Variants in SUMF1 observed in about 807,000 individuals in gnomAD.
SUMF1 encodes sulfatase modifying factor 1.
In SUMF1, 48 loss-of-function variants were observed where a neutral mutation model predicts 47.6. The ratio of observed to expected loss-of-function variants is 1.01; its 90% confidence interval spans 0.80 to 1.28. SUMF1 has a LOEUF of 1.28. Among genes scored for constraint, SUMF1 ranks in the 50% most tolerant of loss-of-function variants. The pLI is 0.00. For missense variants in SUMF1, 571 were observed against 485.4 expected (o/e 1.18, Z -1.66); for synonymous variants, 230 against 192.1 (o/e 1.20, Z -1.63).
intron 7 of SUMF1, 119 bp downstream of exon 7, chr3:4,410,746 C>T: frequency 1.1e-6 from 1 of 913,976 alleles, no homozygotes; most frequent in East Asian, 2.4e-5. Flanking sequence ...TAGGGAAATC[C>T]CAAGATTAAT....
intron 8 of SUMF1, among the ~76,000 whole-genome samples, chr3:4,107,179 G>C (rs1433632794): frequency 6.6e-6 from 1 of 152,002 alleles, no homozygotes; most frequent in Non-Finnish European, 1.5e-5. Context: ...AATTGTTCTT[G>C]GTTTTCAGAT....
At chr3:4,251,399 T>C (rs777177577) in intron 8 of SUMF1, among the ~76,000 whole-genome samples, 7 of 152,236 alleles carry the variant, frequency 4.6e-5, no homozygotes, top group African/African-American at 1.4e-4. Context: ...GCTGTCAACA[T>C]TGTTGAAATG....
intron 9 of SUMF1, among the ~76,000 whole-genome samples, chr3:4,044,190 C>A (rs1694965118): frequency 6.6e-6 from 1 of 152,096 alleles, no homozygotes; most frequent in East Asian, 1.9e-4. Flanking sequence ...AATGCGTAAC[C>A]AAAAGCACCC....
chr3:4,052,413 A>G (rs550584429), intron 9 of SUMF1, among the ~76,000 whole-genome samples: 1 of 152,270 alleles, frequency 6.6e-6, no homozygotes, highest in Non-Finnish European at 1.5e-5. Flanking sequence ...CCCTTCCTAG[A>G]ACTGACCAAA....
At chr3:4,098,155 T>G (rs1196863499) in intron 8 of SUMF1, among the ~76,000 whole-genome samples, 1 of 152,058 alleles carries the variant, frequency 6.6e-6, no homozygotes, top group African/African-American at 2.4e-5. Context: ...CACTGAGAAG[T>G]AGTGGGACAT....
chr3:4,407,990 T>A (rs1215711813), intron 7 of SUMF1, among the ~76,000 whole-genome samples: 1 of 152,230 alleles, frequency 6.6e-6, no homozygotes, highest in Non-Finnish European at 1.5e-5. Flanking sequence ...AATTCCTGAC[T>A]AGATTAAAGC....
At chr3:4,071,620 G>T (rs185069378) in intron 8 of SUMF1, among the ~76,000 whole-genome samples, 1 of 152,206 alleles carries the variant, frequency 6.6e-6, no homozygotes, top group Non-Finnish European at 1.5e-5. Context: ...TTAGTGGGGG[G>T]AGGGGCATCC....
At chr3:4,404,531 G>A (rs879490131) in intron 7 of SUMF1, among the ~76,000 whole-genome samples, 9 of 152,302 alleles carry the variant, frequency 5.9e-5, no homozygotes, top group Non-Finnish European at 1.2e-4. Flanking sequence ...GCTGAGGCGG[G>A]TGAATCACCT....
intron 8 of SUMF1, among the ~76,000 whole-genome samples, chr3:4,323,999 A>G (rs918785236): frequency 1.1e-4 from 17 of 152,090 alleles, no homozygotes; most frequent in African/African-American, 4.1e-4. Flanking sequence ...GTAAGTCTAG[A>G]AATTTGATAC....
intron 8 of SUMF1, among the ~76,000 whole-genome samples, chr3:4,192,545 T>C (rs138736245): frequency 1.9e-3 from 296 of 152,238 alleles, no homozygotes; most frequent in Middle Eastern, 0.01. Context: ...TACATACTAT[T>C]GTATAATAAA....
intron 8 of SUMF1, among the ~76,000 whole-genome samples, chr3:4,218,448 T>C (rs1476895857): frequency 6.6e-6 from 1 of 151,284 alleles, no homozygotes; most frequent in Non-Finnish European, 1.5e-5. Context: ...AAGCATTTCA[T>C]TGTGTTTTTT....
At chr3:4,304,557 G>T in intron 8 of SUMF1, among the ~76,000 whole-genome samples, 1 of 152,294 alleles carries the variant, frequency 6.6e-6, no homozygotes, top group East Asian at 1.9e-4. Flanking sequence ...AGTATGGTTC[G>T]GAGCTTAGAC....
At chr3:4,284,474 AAGGAGGAGG>A (rs1305350474) in intron 8 of SUMF1, among the ~76,000 whole-genome samples, 1 of 119,284 alleles carries the variant, frequency 8.4e-6, no homozygotes, top group East Asian at 2.2e-4. Context: ...GGAGGAGGAG[AAGGAGGAGG>A]AGGAGGAGAG....
intron 3 of SUMF1, among the ~76,000 whole-genome samples, chr3:4,423,226 T>C (rs1701960609): frequency 6.6e-6 from 1 of 151,472 alleles, no homozygotes; most frequent in Non-Finnish European, 1.5e-5. Context: ...ATTGCAAAAA[T>C]GTGGAACCAA....
At chr3:4,367,130 G>GTT (rs1559249254) in intron 8 of SUMF1, among the ~76,000 whole-genome samples, 4 of 147,098 alleles carry the variant, frequency 2.7e-5, no homozygotes, top group African/African-American at 5.4e-5. Context: ...TGCCCCTACT[G>GTT]GGGGGGTGCC....
intron 8 of SUMF1, among the ~76,000 whole-genome samples, chr3:4,311,006 A>T (rs923616535): frequency 1.3e-5 from 2 of 152,238 alleles, no homozygotes; most frequent in Non-Finnish European, 2.9e-5. Flanking sequence ...CTGATAGAGC[A>T]TCATTTTCTA....
chr3:4,453,718 G>C (rs1210186202), intron 1 of SUMF1, among the ~76,000 whole-genome samples: 1 of 152,004 alleles, frequency 6.6e-6, no homozygotes. Context: ...ATTTTTAGCA[G>C]AGACAGGTTT....
intron 7 of SUMF1, among the ~76,000 whole-genome samples, chr3:4,390,486 G>A (rs1173525236): frequency 6.6e-6 from 1 of 152,108 alleles, no homozygotes; most frequent in Non-Finnish European, 1.5e-5. Context: ...TGCTCCTTTG[G>A]CTAGAGAGAA....
At chr3:4,065,534 T>C (rs1695355726) in intron 9 of SUMF1, among the ~76,000 whole-genome samples, 1 of 152,186 alleles carries the variant, frequency 6.6e-6, no homozygotes, top group Admixed American at 6.5e-5. Context: ...AACTCTATCT[T>C]GCATTTCTAC....
Sources: gnomAD v4.1 joint callset for allele counts (sites outside exome capture counted in the v4.1 genomes callset) on GRCh38, gnomAD v4.1.1 for gene constraint, MANE v1.5 for transcripts, NCBI Gene and HGNC (gene_info 2026-07-23, HGNC 2026-07-21) for gene names.